Variants in PRAG1 observed in about 807,000 individuals in gnomAD.
PRAG1 encodes PEAK1 related, kinase-activating pseudokinase 1.
A neutral mutation model predicts 95.6 loss-of-function variants in PRAG1; 110 were observed. The observed-to-expected ratio is 1.15, with a 90% CI of 0.99 to 1.35. The LOEUF (loss-of-function observed/expected upper bound fraction) is 1.35, where lower values mean the gene tolerates loss of function less well. Among genes scored for constraint, PRAG1 ranks in the 40% most tolerant of loss-of-function variants. The pLI is 0.00. For synonymous variants in PRAG1, 1,052 were observed against 819.4 expected, an observed-to-expected ratio of 1.28 and a Z score of -4.85; for missense variants, 2,554 against 1,864.7, an observed-to-expected ratio of 1.37 and a Z score of -6.81.
intron 3 of PRAG1, among the ~76,000 whole-genome samples, chr8:8,343,949 A>G (rs972263360): frequency 1.3e-5 from 2 of 152,040 alleles, no homozygotes; most frequent in Non-Finnish European, 2.9e-5. Flanking sequence ...TAATTATAGT[A>G]ATACATTTTA....
At chr8:8,336,442 C>T (rs1453756525) in intron 4 of PRAG1, among the ~76,000 whole-genome samples, 1 of 152,192 alleles carries the variant, frequency 6.6e-6, no homozygotes, top group African/African-American at 2.4e-5. Context: ...ACCTCCTAAA[C>T]CAAGCATAAA....
rs750380218 is a variant in PRAG1 at position 8,377,338 on chromosome 8, G to A, written c.1071C>T (p.Phe357=). The change falls in exon 3 of 6, where the codon TTC becomes TTT. Residue 357 remains phenylalanine (F), a synonymous_variant. Coordinates refer to ENST00000615670, the MANE Select transcript of PRAG1 (RefSeq NM_001080826.3). ...SGSGSGASSP[F]VPHLESDYCS... ...AGTAATCACTCTCGAGGTGGGGGAC[G>A]AAGGGGCTACTGGCGCCGCTGCCGC... 8.1e-6 allele frequency: 13 copies of A among 1,603,302 alleles called. No homozygotes were observed. The highest frequency in any genetic ancestry group is 1.7e-5 in the Admixed American group (1 of 58,082).
chr8:8,368,880 T>C (rs939247531), intron 3 of PRAG1, among the ~76,000 whole-genome samples: 3 of 151,322 alleles, frequency 2.0e-5, no homozygotes, highest in Non-Finnish European at 4.4e-5. Flanking sequence ...GAAAATATTA[T>C]TTTGGCAAGA....
At chr8:8,353,295 C>T (rs1799583939) in intron 3 of PRAG1, among the ~76,000 whole-genome samples, 1 of 151,898 alleles carries the variant, frequency 6.6e-6, no homozygotes, top group Non-Finnish European at 1.5e-5. Context: ...CAGGATAGAC[C>T]ACATGTTGGG....
At chr8:8,343,168 T>C (rs1216486615) in intron 3 of PRAG1, among the ~76,000 whole-genome samples, 3 of 152,142 alleles carry the variant, frequency 2.0e-5, no homozygotes, top group Non-Finnish European at 4.4e-5. Context: ...TTATGAATGA[T>C]CAGATTGTAA....
intron 3 of PRAG1, among the ~76,000 whole-genome samples, chr8:8,354,171 T>C (rs1799615132): frequency 6.6e-6 from 1 of 151,942 alleles, no homozygotes; most frequent in Admixed American, 6.6e-5. Flanking sequence ...GCCAACAAAT[T>C]GGATGACAGA....
At chr8:8,380,337 G>A (rs749477743) in intron 2 of PRAG1, among the ~76,000 whole-genome samples, 5 of 152,062 alleles carry the variant, frequency 3.3e-5, no homozygotes, top group Non-Finnish European at 5.9e-5. Flanking sequence ...GGTGGCTCAC[G>A]CCTATAATCT....
chr8:8,328,978 A>C (rs547141923), intron 4 of PRAG1, among the ~76,000 whole-genome samples: 5 of 152,376 alleles, frequency 3.3e-5, no homozygotes, highest in Non-Finnish European at 7.3e-5. Context: ...ATGGACACTT[A>C]AATTGTTTCC....
At chr8:8,328,522 G>A (rs903891887) in intron 4 of PRAG1, 61 bp from the exon 5 acceptor site, 74 of 1,480,504 alleles carry the variant, frequency 5.0e-5, no homozygotes, top group Non-Finnish European at 6.7e-5. Context: ...CCAGGGTCCT[G>A]CAGACTTGTT....
chr8:8,326,551 G>A (rs770833794), intron 5 of PRAG1, among the ~76,000 whole-genome samples: 2 of 152,162 alleles, frequency 1.3e-5, no homozygotes, highest in Admixed American at 6.5e-5. Context: ...GGAAGGACTG[G>A]AGTTCATGGT....
chr8:8,371,583 A>G (rs1002660073), intron 3 of PRAG1, among the ~76,000 whole-genome samples: 1 of 152,096 alleles, frequency 6.6e-6, no homozygotes, highest in African/African-American at 2.4e-5. Flanking sequence ...TCAAACAAAG[A>G]CATCAGCTGG....
intron 3 of PRAG1, among the ~76,000 whole-genome samples, chr8:8,364,668 T>G (rs1166330956): frequency 6.8e-6 from 1 of 147,468 alleles, no homozygotes; most frequent in East Asian, 2.0e-4. Context: ...TTCAATGTTG[T>G]TTTTTTTTTT....
intron 1 of PRAG1, among the ~76,000 whole-genome samples, chr8:8,382,433 T>C (rs1424870447): frequency 2.0e-5 from 3 of 152,182 alleles, no homozygotes; most frequent in Non-Finnish European, 4.4e-5. Context: ...CCTCTAGACC[T>C]TATGCAGAGT....
rs765038814 is a variant in PRAG1, at chr8:8,327,958, G to A, written c.2824C>T (p.Leu942=). Residue 942 remains leucine (L), a synonymous_variant, in exon 5 of 6, where the codon CTG becomes TTG. Transcript: ENST00000615670. ...GSTQLQLHGL[L]SNISSKEGTY... is the part of the protein sequence containing the mutation. ...CCCTCCTTGCTGCTGATGTTGCTCAGGAGACCGTGCAGCTGAAGCTGGGTG... is the reference window on the plus strand; with the variant it reads ...CCCTCCTTGCTGCTGATGTTGCTCAAGAGACCGTGCAGCTGAAGCTGGGTG... 5 of 1,610,098 alleles carry A rather than the reference G, an allele frequency of 3.1e-6. No individual in the cohort carries two copies. The highest frequency in any genetic ancestry group is 4.5e-5 in the East Asian group (2 of 44,830).
intron 4 of PRAG1, among the ~76,000 whole-genome samples, chr8:8,333,171 GA>G (rs1798876065): frequency 6.6e-6 from 1 of 152,230 alleles, no homozygotes; most frequent in South Asian, 2.1e-4. Flanking sequence ...AAAGGGGTGA[GA>G]GGGGAGAACA....
At chr8:8,360,629 T>C (rs1025305783) in intron 3 of PRAG1, among the ~76,000 whole-genome samples, 2 of 152,270 alleles carry the variant, frequency 1.3e-5, no homozygotes, top group Non-Finnish European at 2.9e-5. Context: ...CTTAGCAATG[T>C]CTGGCCAACT....
Position 8,381,439 on chromosome 8 carries a change from G to A in PRAG1, c.309C>T (p.Asn103=). The change falls in exon 2 of 6, where the codon AAC becomes AAT. Residue 103 remains asparagine (N), a synonymous_variant. Transcript: ENST00000615670. ...SEASDVWTEA[N]LSAEVSQVIW... is the part of the protein sequence containing the mutation. The stretch of plus-strand genomic sequence containing the variant: ...TCACCTGCGAGACTTCGGCACTCAG[G>A]TTGGCCTCTGTCCACACATCAGAGG... 1.9e-6 allele frequency: 3 copies of A among 1,609,926 alleles called. No individual in the cohort carries two copies. Among genetic ancestry groups the A allele is most frequent in the Middle Eastern group, 1.7e-4 (1 of 6,046 alleles).
chr8:8,364,898 A>G lies in PRAG1; in HGVS notation c.2162+11349T>C, dbSNP rs569961768. On this transcript the variant is annotated intron_variant, in intron 3 of 5. Coordinates refer to ENST00000615670, the MANE Select transcript of PRAG1 (RefSeq NM_001080826.3). ...TCTCAGGTTTCTGCTTTTTGTAGGAAACACAGACAAGCATTGAGAGTGTTT... is the reference window on the plus strand; with the variant it reads ...TCTCAGGTTTCTGCTTTTTGTAGGAGACACAGACAAGCATTGAGAGTGTTT... 2.0e-4 allele frequency among the ~76,000 whole-genome samples: 30 copies of G among 152,296 alleles called. No homozygotes were observed. The South Asian group carries it at 6.0e-3, about 31-fold the overall frequency.
Position 8,359,997 on chromosome 8 carries a change from A to G in PRAG1, c.2162+16250T>C, listed in dbSNP as rs553546320. ...TCTCCTTTGACCCTGGAAACTGTCAATTCCTCTGAGGAACGAGCTAAATCA... is the reference window on the plus strand; with the variant it reads ...TCTCCTTTGACCCTGGAAACTGTCAGTTCCTCTGAGGAACGAGCTAAATCA... On this transcript the variant is annotated intron_variant, in intron 3 of 5. Coordinates refer to ENST00000615670, the MANE Select transcript of PRAG1 (RefSeq NM_001080826.3). Among the ~76,000 whole-genome samples the G allele has an allele frequency of 3.3e-5, 5 of 152,252 alleles. No homozygotes were observed. In the East Asian group the frequency reaches 9.7e-4, roughly 29 times the overall value.
Sources: allele counts gnomAD v4.1 joint callset (sites outside exome capture counted in the v4.1 genomes callset), GRCh38; gene constraint gnomAD v4.1.1; transcripts MANE v1.5; gene names NCBI Gene and HGNC (gene_info 2026-07-23, HGNC 2026-07-21).